COL14A1: variants seen among roughly 807,000 people sequenced by gnomAD.
COL14A1 encodes the protein collagen alpha-1(XIV) chain.
Under a neutral mutation model 230.3 loss-of-function variants are expected in COL14A1, and 136 were observed. The observed-to-expected ratio is 0.59, with a 90% CI of 0.51 to 0.68. COL14A1 has a LOEUF of 0.68. Among genes scored for constraint, COL14A1 ranks in the 30% least tolerant of loss-of-function variants. COL14A1 has a pLI of 0.00. For synonymous variants in COL14A1, 792 were observed against 784.1 expected (o/e 1.01, Z -0.17); for missense variants, 1,976 against 2,215.8 (o/e 0.89, Z 2.17).
intron 1 of COL14A1, among the ~76,000 whole-genome samples, chr8:120,130,180 A>G (rs1814481382): frequency 6.6e-6 from 1 of 152,234 alleles, no homozygotes; most frequent in South Asian, 2.1e-4. Context: ...AGTTCAACGG[A>G]GATTATCATT....
intron 1 of COL14A1, among the ~76,000 whole-genome samples, chr8:120,128,775 C>A (rs944341424): frequency 1.3e-5 from 2 of 152,130 alleles, no homozygotes; most frequent in African/African-American, 4.8e-5. Flanking sequence ...TCTCTATGGG[C>A]CTTTGTCGGA....
intron 5 of COL14A1, among the ~76,000 whole-genome samples, chr8:120,185,201 C>T (rs560569456): frequency 6.6e-6 from 1 of 152,290 alleles, no homozygotes; most frequent in Middle Eastern, 3.4e-3. Flanking sequence ...CCAGACACAG[C>T]TGAAATGAGC....
chr8:120,228,092 A>G (rs1226091163), intron 17 of COL14A1, among the ~76,000 whole-genome samples: 1 of 152,012 alleles, frequency 6.6e-6, no homozygotes, highest in Non-Finnish European at 1.5e-5. Context: ...GAGACTTCAT[A>G]CCCTTGCATC....
rs115660023 is a variant in COL14A1, at chr8:120,203,830, T to A, written c.999T>A (p.Thr333=). ...CAGTTGTGGAGAGTCTGACCAGGAC[T>A]CTCTGCTCTAGAGTGGAAGAACAGG... ...MHTVVESLTR[T]LCSRVEEQDR... Residue 333 remains threonine, a synonymous_variant, in exon 9 of 48, where the codon ACT becomes ACA. Transcript: ENST00000297848. 5.9e-5 allele frequency: 96 copies of A among 1,613,890 alleles called. No individual in the cohort carries two copies. In the East Asian group the frequency reaches 2.0e-3, roughly 33 times the overall value.
rs576965150 is a variant in COL14A1 at position 120,130,862 on chromosome 8, C to T, written c.-38+5522C>T. Reference sequence around the variant, plus strand: ...ACCCAAAAGGTAGTTCTTCAACCCTCACCCCCTTTTTTTTCCTTCCCTCGC... The same window carrying T: ...ACCCAAAAGGTAGTTCTTCAACCCTTACCCCCTTTTTTTTCCTTCCCTCGC... On this transcript the variant is annotated intron_variant, in intron 1 of 47. Coordinates refer to ENST00000297848, the MANE Select transcript of COL14A1 (RefSeq NM_021110.4). Among the ~76,000 whole-genome samples, 7 of 152,280 alleles carry T rather than the reference C, an allele frequency of 4.6e-5. No homozygotes were observed. The South Asian group carries it at 8.3e-4, about 18-fold the overall frequency.
chr8:120,222,332 A>G (rs1322650872), intron 14 of COL14A1, among the ~76,000 whole-genome samples: 2 of 152,214 alleles, frequency 1.3e-5, no homozygotes, highest in East Asian at 1.9e-4. Context: ...TCAATTAACC[A>G]TTGCCGTGTA....
chr8:120,245,705 A>C (rs992059523), intron 20 of COL14A1, among the ~76,000 whole-genome samples: 2 of 152,012 alleles, frequency 1.3e-5, no homozygotes, highest in African/African-American at 2.4e-5. Flanking sequence ...GTTACAGGAC[A>C]ACTTTACCCA....
At chr8:120,230,409 T>C (rs1818230273) in intron 18 of COL14A1, among the ~76,000 whole-genome samples, 1 of 152,170 alleles carries the variant, frequency 6.6e-6, no homozygotes, top group Non-Finnish European at 1.5e-5. Flanking sequence ...CATTACCCAT[T>C]TGTTGATTTG....
chr8:120,281,158 G>A, intron 31 of COL14A1, 99 bp downstream of exon 31: 1 of 1,094,734 alleles, frequency 9.1e-7, no homozygotes, highest in Non-Finnish European at 1.3e-6. Context: ...GTCCCAGGTA[G>A]GATTTTCCAC....
rs895385658 is a variant in COL14A1, at chr8:120,162,451, G to C, written c.231G>C (p.Leu77=). Residue 77 remains leucine (L), a synonymous_variant, in exon 4 of 48, where the codon CTG becomes CTC. Transcript: ENST00000297848. ...TSGGKTNQLN[L]QNTATKAIIQ... is the part of the protein sequence containing the mutation. The stretch of plus-strand genomic sequence containing the variant: ...GTGGAAAAACTAACCAGCTGAATCT[G>C]CAGAACACTGCAACTAAAGCAATTA... 20 of 1,608,444 alleles carry C rather than the reference G, an allele frequency of 1.2e-5. No homozygotes were observed. Among genetic ancestry groups the C allele is most frequent in the Non-Finnish European group, 1.4e-5 (16 of 1,177,724 alleles).
At chr8:120,182,996 G>C (rs549849321) in intron 5 of COL14A1, among the ~76,000 whole-genome samples, 1 of 151,796 alleles carries the variant, frequency 6.6e-6, no homozygotes, top group Non-Finnish European at 1.5e-5. Context: ...CAAAATGCTG[G>C]GATTACGGGC....
chr8:120,258,037 T>G (rs539747329), intron 23 of COL14A1, among the ~76,000 whole-genome samples: 37 of 152,276 alleles, frequency 2.4e-4, no homozygotes, highest in African/African-American at 8.7e-4. Flanking sequence ...TTTTGCAAGG[T>G]TTTTGTGAGT....
intron 2 of COL14A1, among the ~76,000 whole-genome samples, chr8:120,157,898 T>C (rs1815533053): frequency 6.6e-6 from 1 of 152,142 alleles, no homozygotes; most frequent in African/African-American, 2.4e-5. Flanking sequence ...AGGCAGAGAA[T>C]TGTTTGAACC....
At chr8:120,300,069 G>C (rs1184269105) in intron 35 of COL14A1, among the ~76,000 whole-genome samples, 2 of 151,996 alleles carry the variant, frequency 1.3e-5, no homozygotes, top group Non-Finnish European at 2.9e-5. Context: ...CTGCATTCCA[G>C]TAACTCATTC....
At chr8:120,279,565 A>C (rs1344337619) in intron 28 of COL14A1, among the ~76,000 whole-genome samples, 1 of 152,028 alleles carries the variant, frequency 6.6e-6, no homozygotes, top group Non-Finnish European at 1.5e-5. Context: ...AAAAAAAAAA[A>C]AAACTGAGAT....
chr8:120,216,938 A>T (rs1216863160), intron 14 of COL14A1, among the ~76,000 whole-genome samples: 1 of 152,226 alleles, frequency 6.6e-6, no homozygotes, highest in South Asian at 2.1e-4. Flanking sequence ...CTCTGAAGTC[A>T]CTTGATATCA....
intron 19 of COL14A1, among the ~76,000 whole-genome samples, chr8:120,237,578 CTTG>C (rs979472889): frequency 1.3e-5 from 2 of 152,094 alleles, no homozygotes; most frequent in African/African-American, 4.8e-5. Context: ...CTCGGAGGAG[CTTG>C]TTACTGCTTA....
chr8:120,348,209 G>GC (rs1463581013), intron 45 of COL14A1, among the ~76,000 whole-genome samples: 5 of 136,498 alleles, frequency 3.7e-5, no homozygotes, highest in East Asian at 2.1e-4. Flanking sequence ...ATATATATAT[G>GC]TATATATATG....
intron 5 of COL14A1, among the ~76,000 whole-genome samples, chr8:120,194,077 G>T (rs1324389613): frequency 6.6e-6 from 1 of 152,168 alleles, no homozygotes; most frequent in African/African-American, 2.4e-5. Flanking sequence ...CCACTGTCCG[G>T]CACTCCCTAG....
Sources: allele counts gnomAD v4.1 joint callset (sites outside exome capture counted in the v4.1 genomes callset), GRCh38; gene constraint gnomAD v4.1.1; transcripts MANE v1.5; gene names NCBI Gene and HGNC (gene_info 2026-07-23, HGNC 2026-07-21).